Variants in ARHGAP44 observed in about 807,000 individuals in gnomAD.
ARHGAP44 encodes the protein Rho GTPase activating protein 44.
In ARHGAP44, 43 loss-of-function variants were observed where a neutral mutation model predicts 106.8. The ratio of observed to expected loss-of-function variants is 0.40; its 90% confidence interval spans 0.32 to 0.52. The LOEUF is 0.52. ARHGAP44 is among the 20% of genes least tolerant of loss of function. The pLI is 0.48. For missense variants in ARHGAP44, 866 were observed against 1,050.5 expected, an observed-to-expected ratio of 0.82 and a Z score of 2.43; for synonymous variants, 439 against 410.3, an observed-to-expected ratio of 1.07 and a Z score of -0.85.
chr17:12,974,659 C>T (rs781606617), intron 18 of ARHGAP44, among the ~76,000 whole-genome samples: 3 of 152,074 alleles, frequency 2.0e-5, no homozygotes, highest in Non-Finnish European at 2.9e-5. Context: ...ATGCCAAGAC[C>T]CCCAGCGCAT....
At chr17:12,799,582 G>A (rs1597856314) in intron 1 of ARHGAP44, among the ~76,000 whole-genome samples, 1 of 152,220 alleles carries the variant, frequency 6.6e-6, no homozygotes, top group South Asian at 2.1e-4. Flanking sequence ...TGGAGACAGG[G>A]AGCCTCCACC....
At chr17:12,894,324 A>AGC (rs1226356873) in intron 1 of ARHGAP44, among the ~76,000 whole-genome samples, 1 of 151,552 alleles carries the variant, frequency 6.6e-6, no homozygotes, top group Non-Finnish European at 1.5e-5. Context: ...AGAGAGAGAG[A>AGC]GAGCGTTAAA....
chr17:12,867,084 T>C (rs2036256880), intron 1 of ARHGAP44, among the ~76,000 whole-genome samples: 1 of 151,488 alleles, frequency 6.6e-6, no homozygotes, highest in Non-Finnish European at 1.5e-5. Context: ...GAGTCATACT[T>C]ATGAAGAATG....
At chr17:12,938,901 AT>A (rs1385054109) in intron 7 of ARHGAP44, among the ~76,000 whole-genome samples, 1 of 152,166 alleles carries the variant, frequency 6.6e-6, no homozygotes, top group African/African-American at 2.4e-5. Flanking sequence ...GCACATATAG[AT>A]TTTTGTAGGG....
chr17:12,835,180 C>A (rs2035199817), intron 1 of ARHGAP44, among the ~76,000 whole-genome samples: 1 of 152,158 alleles, frequency 6.6e-6, no homozygotes, highest in Non-Finnish European at 1.5e-5. Context: ...CGTATCAAAT[C>A]TTGGGGAAAG....
intron 16 of ARHGAP44, among the ~76,000 whole-genome samples, chr17:12,968,059 G>A (rs958217841): frequency 6.6e-6 from 1 of 152,218 alleles, no homozygotes; most frequent in Non-Finnish European, 1.5e-5. Context: ...TGCTTACAAA[G>A]TGTTTAGAGC....
chr17:12,972,750 C>T (rs2039561050), intron 16 of ARHGAP44, among the ~76,000 whole-genome samples: 1 of 151,360 alleles, frequency 6.6e-6, no homozygotes, highest in Non-Finnish European at 1.5e-5. Context: ...CAAGCTCCAC[C>T]TCCTGGGTTC....
chr17:12,912,717 C>T lies in ARHGAP44; in HGVS notation c.276-3183C>T, dbSNP rs79743707. 2.6e-3 allele frequency among the ~76,000 whole-genome samples: 389 copies of T among 152,230 alleles called. 10 individuals are homozygous for T. In the East Asian group the frequency reaches 0.043, roughly 17 times the overall value. On this transcript the variant is annotated intron_variant, in intron 4 of 20. Transcript: ENST00000379672. The stretch of plus-strand genomic sequence containing the variant: ...GATCAGAAATGCGAATGCTTCCAGA[C>T]TGAGCAAAAGCAGCAATGGAAGAAA...
chr17:12,884,610 T>C (rs1597995372), intron 1 of ARHGAP44, among the ~76,000 whole-genome samples: 2 of 152,208 alleles, frequency 1.3e-5, no homozygotes, highest in South Asian at 4.1e-4. Context: ...GACATAGATT[T>C]ATGTAACCTC....
At chr17:12,806,352 T>A (rs1470799777) in intron 1 of ARHGAP44, among the ~76,000 whole-genome samples, 1 of 152,164 alleles carries the variant, frequency 6.6e-6, no homozygotes, top group Non-Finnish European at 1.5e-5. Context: ...ATGTCTCTTT[T>A]AAGAAAGTAA....
At chr17:12,838,517 C>A (rs2035301052) in intron 1 of ARHGAP44, among the ~76,000 whole-genome samples, 1 of 152,086 alleles carries the variant, frequency 6.6e-6, no homozygotes, top group South Asian at 2.1e-4. Flanking sequence ...TAAAAAGTGC[C>A]CTAGTGCTCA....
intron 3 of ARHGAP44, among the ~76,000 whole-genome samples, chr17:12,897,743 A>G (rs1598017205): frequency 2.3e-5 from 3 of 131,018 alleles, no homozygotes; most frequent in East Asian, 4.6e-4. Context: ...TCTAAGAAGC[A>G]CTATTTTTAA....
Position 12,795,268 on chromosome 17 carries a change from G to A in ARHGAP44, c.53+5377G>A, listed in dbSNP as rs141122461. Among the ~76,000 whole-genome samples, 258 of 152,348 alleles carry A rather than the reference G, an allele frequency of 1.7e-3. No homozygotes were observed. In the Middle Eastern group the frequency reaches 0.017, roughly 10 times the overall value. ...GTATATATGTGAGAGATAACAGAGT[G>A]TACTAACCCACCGATTACTGGGTTA... On this transcript the variant is annotated intron_variant, in intron 1 of 20. Transcript: ENST00000379672.
chr17:12,808,171 A>G (rs948353923), intron 1 of ARHGAP44, among the ~76,000 whole-genome samples: 3 of 152,222 alleles, frequency 2.0e-5, no homozygotes, highest in African/African-American at 4.8e-5. Context: ...TTTGCAGGCT[A>G]CAGTCCCACT....
intron 20 of ARHGAP44, chr17:12,987,136 T>C (rs752088535): frequency 3.9e-6 from 6 of 1,534,822 alleles, no homozygotes; most frequent in African/African-American, 1.4e-5. Context: ...TGGATACGTG[T>C]GAGGGGGATT....
At chr17:12,907,732 AGTT>A (rs2037597035) in intron 3 of ARHGAP44, among the ~76,000 whole-genome samples, 1 of 152,002 alleles carries the variant, frequency 6.6e-6, no homozygotes, top group Admixed American at 6.6e-5. Context: ...TGGACATTTG[AGTT>A]GTTCCCACCT....
chr17:12,890,183 G>T (rs183418014), intron 1 of ARHGAP44, among the ~76,000 whole-genome samples: 11 of 152,170 alleles, frequency 7.2e-5, no homozygotes, highest in Middle Eastern at 3.4e-3. Flanking sequence ...AGTTCTGCTG[G>T]GCATCACCCT....
chr17:12,815,821 G>A (rs62060414), intron 1 of ARHGAP44, among the ~76,000 whole-genome samples: 1 of 152,192 alleles, frequency 6.6e-6, no homozygotes, highest in Non-Finnish European at 1.5e-5. Flanking sequence ...ATAGTTCAGA[G>A]TTAAATAAGG....
chr17:12,987,518 G>A lies in ARHGAP44; in HGVS notation c.2318-2514G>A, dbSNP rs530427203. On this transcript the variant is annotated intron_variant, in intron 20 of 20. Coordinates refer to ENST00000379672, the MANE Select transcript of ARHGAP44 (RefSeq NM_014859.6). ...CGTGTGAGACTTTTGTGCTGGAGAC[G>A]CTTGTGCCCAGCACCCTGGGGGACA... The A allele has an allele frequency of 4.6e-4, 83 of 178,754 alleles. No individual in the cohort carries two copies. The Middle Eastern group carries it at 9.9e-3, about 21-fold the overall frequency. 11.1% of individuals were successfully genotyped at this position (178,754 alleles called of 1,614,324 possible). A position where few individuals can be genotyped will look rare whatever the true frequency, so the allele number is the denominator to read the frequency against.
Sources: gnomAD v4.1 joint callset for allele counts (sites outside exome capture counted in the v4.1 genomes callset) on GRCh38, gnomAD v4.1.1 for gene constraint, MANE v1.5 for transcripts, NCBI Gene and HGNC (gene_info 2026-07-23, HGNC 2026-07-21) for gene names.